Variants in SIX1 observed in about 807,000 individuals in gnomAD.
SIX1 encodes the protein homeobox protein SIX1.
SIX1 carries 11 observed loss-of-function variants against 26.5 expected under a neutral mutation model. The ratio of observed to expected loss-of-function variants is 0.41; its 90% CI spans 0.26 to 0.69. The LOEUF is 0.69. SIX1 is among the 30% of genes least tolerant of loss of function. The pLI, the probability that SIX1 is intolerant of heterozygous loss-of-function variation, is 0.28. For missense variants in SIX1, 333 were observed against 365.9 expected (o/e 0.91, Z 0.73); for synonymous variants, 177 against 166.2 (o/e 1.06, Z -0.50).
Position 60,646,034 on chromosome 14 carries a change from T to TC in SIX1, c.*248dup. 6 of 285,220 alleles carry TC rather than the reference T, an allele frequency of 2.1e-5. No homozygotes were observed. In the East Asian group the frequency reaches 3.3e-4, roughly 16 times the overall value. 17.7% of individuals were successfully genotyped at this position (285,220 alleles called of 1,614,324 possible). A position where few individuals can be genotyped will look rare whatever the true frequency, so the allele number is the denominator to read the frequency against. On this transcript the variant is annotated 3_prime_UTR_variant, in exon 2 of 2. Coordinates refer to ENST00000645694, the MANE Select transcript of SIX1 (RefSeq NM_005982.4). ...TTGTTTGGGTTTTTTTTTTTTTTTT[T>TC]CCCTGATCTCTGCATTGGGAAGGAA...
rs1894898566 is a variant in SIX1, at chr14:60,643,911, C to T, written c.*2372G>A. 2.0e-5 allele frequency: 3 copies of T among 152,130 alleles called. No individual in the cohort carries two copies. In the South Asian group the frequency reaches 6.2e-4, roughly 32 times the overall value. The allele number at this position is 152,130 out of a possible 1,614,324, so 9.4% of individuals were successfully genotyped here. A position where few individuals can be genotyped will look rare whatever the true frequency, so the allele number is the denominator to read the frequency against. On this transcript the variant is annotated 3_prime_UTR_variant, in exon 2 of 2. Coordinates refer to ENST00000645694, the MANE Select transcript of SIX1 (RefSeq NM_005982.4). Reference sequence around the variant, plus strand: ...AGTAATCACGGGGGCTTTTACAGGACCAGCGCTCTTGCTCCTCGCCGGATC... The same window carrying T: ...AGTAATCACGGGGGCTTTTACAGGATCAGCGCTCTTGCTCCTCGCCGGATC...
In SIX1 at chr14:60,646,295, G is replaced by T. The variant is rs577150755; in HGVS notation, c.843C>A (p.Asp281Glu). ...LLGPLTSSLV[D>E]LGS ...AGTCCCTCCCCACTTAGGACCCCAAGTCCACCAGACTGGAGGTGAGGGGGC... is the reference window on the plus strand; with the variant it reads ...AGTCCCTCCCCACTTAGGACCCCAATTCCACCAGACTGGAGGTGAGGGGGC... Residue 281 changes from aspartate to glutamate, a missense_variant, in exon 2 of 2, where the codon GAC becomes GAA. Asp to Glu is a conservative substitution (Grantham distance 45). This residue lies in a region of SIX1 where 199 missense variants were observed against 215.2 expected (regional missense o/e 0.92). Transcript: ENST00000645694. 9 of 1,612,626 alleles carry T rather than the reference G, an allele frequency of 5.6e-6. No homozygotes were observed. Among genetic ancestry groups the T allele is most frequent in the Non-Finnish European group, 6.8e-6 (8 of 1,179,310 alleles).
chr14:60,647,017 AT>A lies in SIX1; in HGVS notation c.561-441del, dbSNP rs1894956502. On this transcript the variant is annotated intron_variant, in intron 1 of 1. Transcript: ENST00000645694. The surrounding 1 kb of genome is among the most constrained non-coding windows in gnomAD (Gnocchi z 5.1). The stretch of plus-strand genomic sequence containing the variant: ...AAGAAATGATAGAGGACAGAGTCCA[AT>A]GCACAAATGTTTGGGGTGAATCAAG... 6.6e-6 allele frequency among the ~76,000 whole-genome samples: 1 copy of A among 152,262 alleles called. No individual in the cohort carries two copies. Among genetic ancestry groups the A allele is most frequent in the South Asian group, 2.1e-4 (1 of 4,832 alleles).
chr14:60,648,625 C>A lies in SIX1; in HGVS notation c.560+5G>T, dbSNP rs1446018679. On this transcript the variant is annotated splice_donor_5th_base_variant and intron_variant, in intron 1 of 1. Transcript: ENST00000645694. This position sits in a 1 kb window ranked among gnomAD's most constrained non-coding sequence, Gnocchi z 7.9. The stretch of plus-strand genomic sequence containing the variant: ...CGCCCGAGTCGCGGGAAGCACGCCG[C>A]GTACCTTTCCTTGGCCTCCGCGGCC... 3.1e-6 allele frequency: 5 copies of A among 1,610,066 alleles called. No homozygotes were observed.
In SIX1 at chr14:60,646,481, T is replaced by A. The variant is rs1435096818; in HGVS notation, c.657A>T (p.Glu219Asp). Residue 219 changes from glutamate to aspartate, a missense_variant, in exon 2 of 2, where the codon GAA becomes GAT. This residue lies in a region of SIX1 where 199 missense variants were observed against 215.2 expected (regional missense o/e 0.92). Coordinates refer to ENST00000645694, the MANE Select transcript of SIX1 (RefSeq NM_005982.4). The stretch of plus-strand genomic sequence containing the variant: ...GGTCTGGACTTTGGGGAGGTGAGAA[T>A]TCCTCTTCTGAGCTGGACATGAGCG... Reference protein sequence around the residue: ...GKPLMSSSEEEFSPPQSPDQN... With the variant: ...GKPLMSSSEEDFSPPQSPDQN... 1.9e-6 allele frequency: 3 copies of A among 1,613,902 alleles called. No homozygotes were observed. Among genetic ancestry groups the A allele is most frequent in the Non-Finnish European group, 2.5e-6 (3 of 1,179,978 alleles).
At position 60,649,219 on chromosome 14, in the gene SIX1, G is replaced by A. The variant is rs777941410; in HGVS notation, c.-30C>T. On this transcript the variant is annotated 5_prime_UTR_variant, in exon 1 of 2. Coordinates refer to ENST00000645694, the MANE Select transcript of SIX1 (RefSeq NM_005982.4). The surrounding 1 kb of genome is among the most constrained non-coding windows in gnomAD (Gnocchi z 5.1). ...GGGGCCTGCCGGGGCGCACGGCCCAGGCGCACGCGGCAGGGAGCAGAGCCG... is the reference window on the plus strand; with the variant it reads ...GGGGCCTGCCGGGGCGCACGGCCCAAGCGCACGCGGCAGGGAGCAGAGCCG... The A allele has an allele frequency of 6.3e-6, 10 of 1,596,404 alleles. No homozygotes were observed. Among genetic ancestry groups the A allele is most frequent in the Admixed American group, 1.7e-5 (1 of 59,346 alleles).
At chr14:60,646,863 C>T (rs1029732751) in intron 1 of SIX1, among the ~76,000 whole-genome samples, 1 of 152,114 alleles carries the variant, frequency 6.6e-6, no homozygotes, top group African/African-American at 2.4e-5. Context: ...GATAGATTAG[C>T]AGGATTTATT....
In SIX1 at chr14:60,649,006, T is replaced by G; in HGVS notation, c.184A>C (p.Asn62His). Residue 62 changes from asparagine to histidine, a missense_variant, in exon 1 of 2, where the codon AAC (asparagine) becomes CAC (histidine). Transcript: ENST00000645694. The surrounding 1 kb of genome is among the most constrained non-coding windows in gnomAD (Gnocchi z 5.1). ...AKAVVAFHRG[N>H]FRELYKILES... ...AGGATCTTGTAGAGCTCACGGAAGT[T>G]GCCGCGGTGGAAGGCGACCACCGCC... The G allele has an allele frequency of 6.2e-7, 1 of 1,614,144 alleles. No homozygotes were observed. The highest frequency in any genetic ancestry group is 8.5e-7 in the Non-Finnish European group (1 of 1,180,024).
rs981484091 is a variant in SIX1, at chr14:60,643,601, G to T, written c.*2682C>A. On this transcript the variant is annotated 3_prime_UTR_variant, in exon 2 of 2. Transcript: ENST00000645694. Reference sequence around the variant, plus strand: ...AAGGTAAACTGGAGGTCCCTTAACAGCTGGTTCTCGAAGATTTCCTCGAGG... The same window carrying T: ...AAGGTAAACTGGAGGTCCCTTAACATCTGGTTCTCGAAGATTTCCTCGAGG... The T allele has an allele frequency of 2.6e-5, 4 of 152,088 alleles. No individual in the cohort carries two copies. The highest frequency in any genetic ancestry group is 6.5e-5 in the Admixed American group (1 of 15,276). The allele number at this position is 152,088 out of a possible 1,614,324, so 9.4% of individuals were successfully genotyped here.
chr14:60,646,273 C>T lies in SIX1; in HGVS notation c.*10G>A. On this transcript the variant is annotated 3_prime_UTR_variant, in exon 2 of 2. Coordinates refer to ENST00000645694, the MANE Select transcript of SIX1 (RefSeq NM_005982.4). Reference sequence around the variant, plus strand: ...CCAGGAATCCCTTCGAGGCCCCAGTCCCTCCCCACTTAGGACCCCAAGTCC... The same window carrying T: ...CCAGGAATCCCTTCGAGGCCCCAGTTCCTCCCCACTTAGGACCCCAAGTCC... The T allele has an allele frequency of 6.2e-7, 1 of 1,611,044 alleles. No individual in the cohort carries two copies. The highest frequency in any genetic ancestry group is 8.5e-7 in the Non-Finnish European group (1 of 1,178,656).
Position 60,647,870 on chromosome 14 carries a change from G to A in SIX1, c.560+760C>T, listed in dbSNP as rs1383801101. ...AGTAGAGACCAATTTTTAAAATATTGCCTTGTGAGCTCCAGTGCGAGAGAG... is the reference window on the plus strand; with the variant it reads ...AGTAGAGACCAATTTTTAAAATATTACCTTGTGAGCTCCAGTGCGAGAGAG... On this transcript the variant is annotated intron_variant, in intron 1 of 1. Coordinates refer to ENST00000645694, the MANE Select transcript of SIX1 (RefSeq NM_005982.4). This position sits in a 1 kb window ranked among gnomAD's most constrained non-coding sequence, Gnocchi z 5.1. Among the ~76,000 whole-genome samples, 2 of 152,180 alleles carry A rather than the reference G, an allele frequency of 1.3e-5. No homozygotes were observed. The highest frequency in any genetic ancestry group is 2.9e-5 in the Non-Finnish European group (2 of 68,028).
At chr14:60,646,742 C>G (rs1005929182) in intron 1 of SIX1, among the ~76,000 whole-genome samples, 165 bp from the exon 2 acceptor site, 2 of 151,884 alleles carry the variant, frequency 1.3e-5, no homozygotes, top group Non-Finnish European at 2.9e-5. Flanking sequence ...CCACCCATCC[C>G]CAAGGGTAAT....
Position 60,649,402 on chromosome 14 carries a change from G to A in SIX1, c.-213C>T, listed in dbSNP as rs771815597. ...GGAGGTTCTGGACACGGAACGGCCG[G>A]CGCACTCAGTAGCCTTTAAGGCCTT... On this transcript the variant is annotated 5_prime_UTR_variant, in exon 1 of 2. Coordinates refer to ENST00000645694, the MANE Select transcript of SIX1 (RefSeq NM_005982.4). The surrounding 1 kb of genome is among the most constrained non-coding windows in gnomAD (Gnocchi z 5.1). 9.4e-5 allele frequency: 54 copies of A among 575,664 alleles called. 1 individual carries two copies. Among genetic ancestry groups the A allele is most frequent in the Non-Finnish European group, 5.3e-5 (17 of 323,252 alleles). The allele number at this position is 575,664 out of a possible 1,614,324, so 35.7% of individuals were successfully genotyped here.
At position 60,644,780 on chromosome 14, in the gene SIX1, T is replaced by G. The variant is rs1894911863; in HGVS notation, c.*1503A>C. 1.3e-5 allele frequency: 2 copies of G among 152,246 alleles called. No homozygotes were observed. Among genetic ancestry groups the G allele is most frequent in the South Asian group, 4.1e-4 (2 of 4,830 alleles). The allele number at this position is 152,246 out of a possible 1,614,324, so 9.4% of individuals were successfully genotyped here. ...GCTAAATACAGAAGATACATCATTT[T>G]GCCCCAGGCAAAAATAATATGGAGC... is the stretch of plus-strand genomic sequence containing the variant. On this transcript the variant is annotated 3_prime_UTR_variant, in exon 2 of 2. Coordinates refer to ENST00000645694, the MANE Select transcript of SIX1 (RefSeq NM_005982.4).
Position 60,646,555 on chromosome 14 carries a change from A to G in SIX1, c.583T>C (p.Ser195Pro), listed in dbSNP as rs1894945610. The G allele has an allele frequency of 6.5e-7, 1 of 1,532,964 alleles. No homozygotes were observed. Among genetic ancestry groups the G allele is most frequent in the Non-Finnish European group, 8.8e-7 (1 of 1,133,682 alleles). The allele number at this position is 1,532,964 out of a possible 1,614,324, so 95.0% of individuals were successfully genotyped here. ...AGTTGGTTCTGCTTGTTGGAGGAGG[A>G]GTTATTGTTTTCGGTGTTCTCCCTA... ...KERENTENNN[S>P]SSNKQNQLSP... The change falls in exon 2 of 2, where the codon TCC becomes CCC. Residue 195 changes from serine to proline, a missense_variant. Physicochemically the swap from Ser to Pro is moderately conservative, Grantham distance 74. Around this residue, in one of 3 missense-constraint regions of SIX1, gnomAD observed 199 missense variants for 215.2 expected, o/e 0.92. Transcript: ENST00000645694.
chr14:60,646,980 A>G (rs543522083), intron 1 of SIX1, among the ~76,000 whole-genome samples: 36 of 152,396 alleles, frequency 2.4e-4, no homozygotes, highest in Admixed American at 1.4e-3. Flanking sequence ...CAATAAATAG[A>G]TATTGGTGAT....
At position 60,644,877 on chromosome 14, in the gene SIX1, GCTTT is replaced by G. The variant is rs1436828760; in HGVS notation, c.*1402_*1405del. The G allele has an allele frequency of 8.5e-5, 13 of 152,304 alleles. No individual in the cohort carries two copies. The highest frequency in any genetic ancestry group is 2.4e-4 in the African/African-American group (10 of 41,556). The allele number at this position is 152,304 out of a possible 1,614,324, so 9.4% of individuals were successfully genotyped here. ...AAAAGAGCTCCTGTCCTGCTGGTCT[GCTTT>G]CTATTTGTACAAATTAATTCACAAT... On this transcript the variant is annotated 3_prime_UTR_variant, in exon 2 of 2. Transcript: ENST00000645694.
rs1335876252 is a variant in SIX1, at chr14:60,647,210, T to G, written c.561-633A>C. Among the ~76,000 whole-genome samples, 1 of 152,238 alleles carries G rather than the reference T, an allele frequency of 6.6e-6. No individual in the cohort carries two copies. Among genetic ancestry groups the G allele is most frequent in the African/African-American group, 2.4e-5 (1 of 41,474 alleles). The stretch of plus-strand genomic sequence containing the variant: ...AGCGCAGCCAGTCTCTGATTTCATC[T>G]GGAGTCGGCCCTCGGGCCTGGCTTA... On this transcript the variant is annotated intron_variant, in intron 1 of 1. Transcript: ENST00000645694. The surrounding 1 kb of genome is among the most constrained non-coding windows in gnomAD (Gnocchi z 5.1).
rs1404961452 is a variant in SIX1 at position 60,647,021 on chromosome 14, A to C, written c.561-444T>G. On this transcript the variant is annotated intron_variant, in intron 1 of 1. Transcript: ENST00000645694. This position sits in a 1 kb window ranked among gnomAD's most constrained non-coding sequence, Gnocchi z 5.1. ...AATGATAGAGGACAGAGTCCAATGCACAAATGTTTGGGGTGAATCAAGTCC... is the reference window on the plus strand; with the variant it reads ...AATGATAGAGGACAGAGTCCAATGCCCAAATGTTTGGGGTGAATCAAGTCC... Among the ~76,000 whole-genome samples the C allele has an allele frequency of 6.6e-6, 1 of 152,254 alleles. No homozygotes were observed.
Sources: allele counts gnomAD v4.1 joint callset (sites outside exome capture counted in the v4.1 genomes callset), GRCh38; gene constraint gnomAD v4.1.1; regional missense constraint gnomAD v4.1.1; non-coding constraint Gnocchi (gnomAD v3.1); transcripts MANE v1.5; gene names NCBI Gene and HGNC (gene_info 2026-07-23, HGNC 2026-07-21).